Variants in CMIP observed in about 807,000 individuals in gnomAD.
CMIP encodes the protein c-Maf inducing protein.
CMIP carries 13 observed loss-of-function variants against 97.3 expected under a neutral mutation model. The observed-to-expected ratio is 0.13, with a 90% CI of 0.09 to 0.21. The LOEUF is 0.21. Ranked by LOEUF, CMIP falls within the 10% of genes least tolerant of loss-of-function variation. The pLI is 1.00. For synonymous variants in CMIP, 538 were observed against 436.3 expected, an observed-to-expected ratio of 1.23 and a Z score of -2.91; for missense variants, 847 against 1,024.9, an observed-to-expected ratio of 0.83 and a Z score of 2.37.
At chr16:81,466,291 G>A (rs1012361277) in intron 1 of CMIP, among the ~76,000 whole-genome samples, 4 of 152,142 alleles carry the variant, frequency 2.6e-5, no homozygotes, top group East Asian at 3.9e-4. Flanking sequence ...GAACTCCTGC[G>A]ATCAAGTGAT....
chr16:81,676,654 C>T (rs149565022), intron 9 of CMIP, among the ~76,000 whole-genome samples: 49 of 152,324 alleles, frequency 3.2e-4, no homozygotes, highest in African/African-American at 1.1e-3. Flanking sequence ...GTTTATTTCC[C>T]CCAGCAAAGC....
intron 14 of CMIP, 94 bp downstream of exon 14, chr16:81,696,761 A>C (rs1906772669): frequency 8.3e-7 from 1 of 1,208,484 alleles, no homozygotes. Context: ...CCCTGGGGCC[A>C]GCCCCGGAGT....
rs191240282 is a variant in CMIP, at chr16:81,517,365, A to G, written c.300+71824A>G. 3.9e-5 allele frequency among the ~76,000 whole-genome samples: 6 copies of G among 152,398 alleles called. No individual in the cohort carries two copies. The East Asian group carries it at 9.6e-4, about 24-fold the overall frequency. ...TGATTCTGTGGAATATGATGCAGCAATGAAAAAGAATGAAGTGAATCTAAA... is the reference window on the plus strand; with the variant it reads ...TGATTCTGTGGAATATGATGCAGCAGTGAAAAAGAATGAAGTGAATCTAAA... On this transcript the variant is annotated intron_variant, in intron 1 of 20. Coordinates refer to ENST00000537098, the MANE Select transcript of CMIP (RefSeq NM_198390.3).
At chr16:81,466,432 G>A (rs1381799304) in intron 1 of CMIP, among the ~76,000 whole-genome samples, 1 of 152,178 alleles carries the variant, frequency 6.6e-6, no homozygotes, top group Non-Finnish European at 1.5e-5. Flanking sequence ...ATGTGCAGTT[G>A]CTGTGTTTGA....
intron 1 of CMIP, among the ~76,000 whole-genome samples, chr16:81,483,334 T>TC (rs397727942): frequency 6.6e-6 from 1 of 151,456 alleles, no homozygotes; most frequent in Non-Finnish European, 1.5e-5. Context: ...TGGTTTTTTT[T>TC]CTAGGAATGC....
At chr16:81,607,481 G>A (rs902365080) in intron 1 of CMIP, 86 bp from the exon 2 acceptor site, 41 of 1,537,498 alleles carry the variant, frequency 2.7e-5, no homozygotes, top group Non-Finnish European at 2.9e-5. Context: ...CCAGAGGGGC[G>A]ATGTTTCCAA....
chr16:81,472,963 C>T (rs1034407775), intron 1 of CMIP, among the ~76,000 whole-genome samples: 1 of 152,214 alleles, frequency 6.6e-6, no homozygotes, highest in African/African-American at 2.4e-5. Flanking sequence ...ACTGCTTGCC[C>T]TGAAGGTGCG....
intron 1 of CMIP, among the ~76,000 whole-genome samples, chr16:81,543,482 A>T (rs1005638713): frequency 2.6e-5 from 4 of 151,732 alleles, no homozygotes; most frequent in Non-Finnish European, 5.9e-5. Context: ...CCAGCCTGTG[A>T]CCTCCCTTTT....
intron 1 of CMIP, among the ~76,000 whole-genome samples, chr16:81,458,887 G>T (rs531811748): frequency 1.4e-4 from 21 of 152,312 alleles, no homozygotes; most frequent in Middle Eastern, 3.4e-3. Context: ...TACATGGAAA[G>T]TACTTAGTAG....
intron 1 of CMIP, among the ~76,000 whole-genome samples, chr16:81,449,613 G>A (rs1014476819): frequency 6.7e-6 from 1 of 150,180 alleles, no homozygotes; most frequent in Non-Finnish European, 1.5e-5. Flanking sequence ...CCCCCCATGT[G>A]CCTAGCCTGC....
chr16:81,602,142 G>C (rs950739818), intron 1 of CMIP, among the ~76,000 whole-genome samples: 1 of 152,204 alleles, frequency 6.6e-6, no homozygotes, highest in African/African-American at 2.4e-5. Flanking sequence ...GAGGGAGGGG[G>C]TGAGAGCAGG....
chr16:81,643,476 G>A (rs556847763), intron 3 of CMIP, among the ~76,000 whole-genome samples: 3 of 152,294 alleles, frequency 2.0e-5, no homozygotes, highest in South Asian at 2.1e-4. Flanking sequence ...GCTAAACGCC[G>A]CTGAAGTGTT....
chr16:81,520,603 A>AGAGAGAGAG (rs1555525671), intron 1 of CMIP: 5 of 143,266 alleles, frequency 3.5e-5, no homozygotes, highest in Non-Finnish European at 6.1e-5. Context: ...AGAGAGAGAG[A>AGAGAGAGAG]AGATAGAAAG....
chr16:81,457,825 C>T (rs760140725), intron 1 of CMIP, among the ~76,000 whole-genome samples: 48 of 152,338 alleles, frequency 3.2e-4, no homozygotes, highest in Admixed American at 1.2e-3. Context: ...GCCCTGTCCC[C>T]ATGTCTGGCA....
chr16:81,491,615 C>T (rs1443978174), intron 1 of CMIP, among the ~76,000 whole-genome samples: 2 of 152,200 alleles, frequency 1.3e-5, no homozygotes, highest in East Asian at 3.8e-4. Context: ...CCCAAGTATA[C>T]ACCAGCTGAA....
intron 1 of CMIP, among the ~76,000 whole-genome samples, chr16:81,573,750 A>G (rs1009056940): frequency 3.3e-5 from 5 of 152,136 alleles, no homozygotes; most frequent in African/African-American, 1.2e-4. Flanking sequence ...CCTTGTTGTC[A>G]TTCCTACCTC....
intron 1 of CMIP, among the ~76,000 whole-genome samples, chr16:81,530,539 TTTCCTGGCAG>T (rs2090213109): frequency 6.6e-6 from 1 of 152,140 alleles, no homozygotes; most frequent in Admixed American, 6.6e-5. Context: ...GGCAGCTGAC[TTTCCTGGCAG>T]TTCACTCGAG....
At chr16:81,667,248 C>T (rs1307316253) in intron 7 of CMIP, 1 of 152,212 alleles carries the variant, frequency 6.6e-6, no homozygotes. Context: ...ATGTTCTTTA[C>T]TAGACTGAAA....
chr16:81,615,046 CTGTGTGTCTGTGTGAGG>C (rs1412821188), intron 2 of CMIP, among the ~76,000 whole-genome samples: 1 of 119,880 alleles, frequency 8.3e-6, no homozygotes, highest in East Asian at 2.8e-4. Flanking sequence ...GCATGTGTAT[CTGTGTGTCTGTGTGAGG>C]TGTGTGTCTG....
Sources: allele counts gnomAD v4.1 joint callset (sites outside exome capture counted in the v4.1 genomes callset), GRCh38; gene constraint gnomAD v4.1.1; transcripts MANE v1.5; gene names NCBI Gene and HGNC (gene_info 2026-07-23, HGNC 2026-07-21).